The following GIPR variants were observed in gnomAD, a reference collection of about 807,000 sequenced individuals.
GIPR encodes GIP-R.
In GIPR, 74 loss-of-function variants were observed where a neutral mutation model predicts 62.2. The observed-to-expected ratio is 1.19, with a 90% CI of 0.99 to 1.44. The LOEUF is 1.44. Ranked by LOEUF, GIPR falls within the 40% of genes most tolerant of loss-of-function variation. GIPR has a pLI of 0.00. For missense variants in GIPR, 664 were observed against 611.8 expected (o/e 1.09, Z -0.90); for synonymous variants, 256 against 262.2 (o/e 0.98, Z 0.23).
rs1967342423 is a variant in GIPR at position 45,683,458 on chromosome 19, G to A, written c.*1523G>A. ...GGGGGCATGCTGACAGTCTCATTGT[G>A]GCTGGACCACCTGTACATACACCCA... On this transcript the variant is annotated 3_prime_UTR_variant, in exon 14 of 14. Coordinates refer to ENST00000590918, the MANE Select transcript of GIPR (RefSeq NM_000164.4). 1.3e-5 allele frequency: 2 copies of A among 152,254 alleles called. No individual in the cohort carries two copies. The highest frequency in any genetic ancestry group is 2.9e-5 in the Non-Finnish European group (2 of 68,128). 9.4% of individuals were successfully genotyped at this position (152,254 alleles called of 1,614,324 possible). A position where few individuals can be genotyped will look rare whatever the true frequency, so the allele number is the denominator to read the frequency against.
In GIPR at chr19:45,678,086, A is replaced by G; in HGVS notation, c.1014-2A>G. The G allele has an allele frequency of 8.7e-6, 14 of 1,612,552 alleles. No homozygotes were observed. The highest frequency in any genetic ancestry group is 1.2e-5 in the Non-Finnish European group (14 of 1,179,982). On this transcript the variant is annotated splice_acceptor_variant, in intron 11 of 13. Coordinates refer to ENST00000590918, the MANE Select transcript of GIPR (RefSeq NM_000164.4). LOFTEE classifies it high-confidence loss of function. ...ATCACTGCTGCCGCCCTCTCTCCCCAGGCTGGCTCGCTCCACGCTGACGCT... is the reference window on the plus strand; with the variant it reads ...ATCACTGCTGCCGCCCTCTCTCCCCGGGCTGGCTCGCTCCACGCTGACGCT...
chr19:45,674,895 T>C lies in GIPR; in HGVS notation c.633+69T>C, dbSNP rs756627992. ...TCTGGTGGGACCAGGAAGTTCTCAG[T>C]CCATTTCCTATCTCCTACACTCTCC... On this transcript the variant is annotated intron_variant, in intron 7 of 13. Transcript: ENST00000590918. 19 of 1,447,942 alleles carry C rather than the reference T, an allele frequency of 1.3e-5. No individual in the cohort carries two copies. In the East Asian group the frequency reaches 4.3e-4, roughly 33 times the overall value. The allele number at this position is 1,447,942 out of a possible 1,614,324, so 89.7% of individuals were successfully genotyped here.
Position 45,682,252 on chromosome 19 carries a change from A to C in GIPR, c.*317A>C, listed in dbSNP as rs1471346175. The C allele has an allele frequency of 2.8e-6, 1 of 360,374 alleles. No homozygotes were observed. The highest frequency in any genetic ancestry group is 2.2e-5 in the African/African-American group (1 of 45,538). 22.3% of individuals were successfully genotyped at this position (360,374 alleles called of 1,614,324 possible). ...ACTTTGGGGAGAGCTGGAGAACAGG[A>C]TTCTAGGCGGAAGCGATAGCATAGG... On this transcript the variant is annotated 3_prime_UTR_variant, in exon 14 of 14. Coordinates refer to ENST00000590918, the MANE Select transcript of GIPR (RefSeq NM_000164.4).
chr19:45,671,123 G>A (rs1334438131), intron 3 of GIPR, among the ~76,000 whole-genome samples, 162 bp from the exon 4 acceptor site: 1 of 151,990 alleles, frequency 6.6e-6, no homozygotes, highest in Non-Finnish European at 1.5e-5. Flanking sequence ...GCCGAGCCGG[G>A]ACGGAACGCC....
Position 45,670,677 on chromosome 19 carries a change from T to C in GIPR, c.115T>C (p.Trp39Arg), listed in dbSNP as rs1600285997. 1 of 1,612,610 alleles carries C rather than the reference T, an allele frequency of 6.2e-7. No homozygotes were observed. Among genetic ancestry groups the C allele is most frequent in the African/African-American group, 1.3e-5 (1 of 74,706 alleles). ...GQTAGELYQR[W>R]ERYRRECQET... ...GACGGCGGGGGAGCTGTACCAGCGC[T>C]GGGAACGGTACCGCAGGGAGTGCCA... The change falls in exon 3 of 14, where the codon TGG (tryptophan) becomes CGG (arginine). Residue 39 changes from tryptophan (W) to arginine (R), a missense_variant. Physicochemically the swap from Trp to Arg is moderately radical, Grantham distance 101. Transcript: ENST00000590918.
chr19:45,669,338 G>A (rs1193251108), intron 1 of GIPR, 139 bp from the exon 2 acceptor site: 13 of 775,492 alleles, frequency 1.7e-5, no homozygotes, highest in Non-Finnish European at 6.3e-6. Flanking sequence ...GGAGTTGCGG[G>A]AGCGGGTGCG....
chr19:45,673,692 C>T (rs112653370), intron 5 of GIPR, among the ~76,000 whole-genome samples: 1 of 152,024 alleles, frequency 6.6e-6, no homozygotes, highest in African/African-American at 2.4e-5. Flanking sequence ...GGTGAAACCC[C>T]GTCTCTACTA....
intron 9 of GIPR, 55 bp from the exon 10 acceptor site, chr19:45,677,655 G>A: frequency 1.5e-6 from 2 of 1,377,930 alleles, no homozygotes; most frequent in Non-Finnish European, 2.1e-6. Context: ...AATGAGCTTG[G>A]TGATCGGTGA....
At position 45,677,700 on chromosome 19, in the gene GIPR, C is replaced by G; in HGVS notation, c.855-10C>G. On this transcript the variant is annotated splice_polypyrimidine_tract_variant and intron_variant, in intron 9 of 13. Transcript: ENST00000590918. Reference sequence around the variant, plus strand: ...TTTTCTATCTCTTAGCTCTACTCCGCCTTCCCCAGGTGCTGGGAGCGCAAC... The same window carrying G: ...TTTTCTATCTCTTAGCTCTACTCCGGCTTCCCCAGGTGCTGGGAGCGCAAC... The G allele has an allele frequency of 6.2e-7, 1 of 1,608,962 alleles. No homozygotes were observed. Among genetic ancestry groups the G allele is most frequent in the South Asian group, 1.1e-5 (1 of 90,984 alleles).
intron 7 of GIPR, chr19:45,675,165 G>C: frequency 2.9e-6 from 1 of 347,622 alleles, no homozygotes; most frequent in Non-Finnish European, 5.8e-6. Flanking sequence ...AAGTAAGTGG[G>C]GGTGGGGATG....
At chr19:45,670,317 C>T (rs538473976) in intron 2 of GIPR, 2,779 of 267,170 alleles carry the variant, frequency 0.01, 35 homozygotes, top group Non-Finnish European at 0.015. Flanking sequence ...CAGGCGTGAG[C>T]CACCGCGCCC....
chr19:45,682,434 T>A lies in GIPR; in HGVS notation c.*499T>A, dbSNP rs1967299506. ...TCTTAGGAGTGTCTCTTGGGGGTAATATTTTATTTTTTAAAAAATGAGGAT... is the reference window on the plus strand; with the variant it reads ...TCTTAGGAGTGTCTCTTGGGGGTAAAATTTTATTTTTTAAAAAATGAGGAT... On this transcript the variant is annotated 3_prime_UTR_variant, in exon 14 of 14. Coordinates refer to ENST00000590918, the MANE Select transcript of GIPR (RefSeq NM_000164.4). The A allele has an allele frequency of 6.5e-6, 1 of 154,326 alleles. No homozygotes were observed. The highest frequency in any genetic ancestry group is 1.4e-5 in the Non-Finnish European group (1 of 69,494). The allele number at this position is 154,326 out of a possible 1,614,324, so 9.6% of individuals were successfully genotyped here.
chr19:45,675,326 C>T (rs182066548), intron 7 of GIPR: 4 of 162,938 alleles, frequency 2.5e-5, no homozygotes, highest in Non-Finnish European at 5.3e-5. Flanking sequence ...TCTGTAATCC[C>T]AGCACTTTGG....
chr19:45,673,038 G>A, intron 5 of GIPR, 84 bp downstream of exon 5: 2 of 814,454 alleles, frequency 2.5e-6, no homozygotes, highest in South Asian at 1.4e-5. Flanking sequence ...AAACCCCTTG[G>A]ACTGTTCAGA....
intron 2 of GIPR, chr19:45,670,141 C>T (rs1975459575): frequency 6.5e-6 from 1 of 154,014 alleles, no homozygotes; most frequent in Non-Finnish European, 1.4e-5. Context: ...AGCGATTCTC[C>T]CGCCTCAGCC....
chr19:45,682,031 G>A lies in GIPR; in HGVS notation c.*96G>A. The A allele has an allele frequency of 9.9e-6, 11 of 1,113,328 alleles. No homozygotes were observed. The highest frequency in any genetic ancestry group is 6.4e-5 in the Admixed American group (3 of 47,204). The allele number at this position is 1,113,328 out of a possible 1,614,324, so 69.0% of individuals were successfully genotyped here. On this transcript the variant is annotated 3_prime_UTR_variant, in exon 14 of 14. Transcript: ENST00000590918. The stretch of plus-strand genomic sequence containing the variant: ...CGGAGGACGCTGGGGAAATGGTGAA[G>A]GAAACAGAAAAAAGGTCCCTGCCCT...
Position 45,669,531 on chromosome 19 carries a change from C to T in GIPR, c.11C>T (p.Ser4Phe). Residue 4 changes from serine (S) to phenylalanine (F), a missense_variant, in exon 2 of 14, where the codon TCT becomes TTT. Transcript: ENST00000590918. MTT[S>F]PILQLLLRLS... ...TTCGCCGCCCTCACGATGACTACCT[C>T]TCCGATCCTGCAGCTGCTGCTGCGG... 1.3e-6 allele frequency: 2 copies of T among 1,577,192 alleles called. No homozygotes were observed. Among genetic ancestry groups the T allele is most frequent in the Non-Finnish European group, 8.6e-7 (1 of 1,164,592 alleles).
At chr19:45,668,819 C>G (rs1975390714) in intron 1 of GIPR, among the ~76,000 whole-genome samples, 2 of 152,230 alleles carry the variant, frequency 1.3e-5, no homozygotes, top group South Asian at 2.1e-4. Context: ...TCTCTAGTCC[C>G]TAAGTATTTG....
At position 45,669,587 on chromosome 19, in the gene GIPR, G is replaced by A; in HGVS notation, c.67G>A (p.Ala23Thr). 2.5e-6 allele frequency: 4 copies of A among 1,579,018 alleles called. No individual in the cohort carries two copies. Among genetic ancestry groups the A allele is most frequent in the Non-Finnish European group, 3.4e-6 (4 of 1,165,842 alleles). ...LSLCGLLLQR[A>T]ETGSKGQTAG... ...ACTGTGCGGGCTGCTGCTCCAGAGGGCGGAGGTGAGGAAGCGAGGAGCCAG... is the reference window on the plus strand; with the variant it reads ...ACTGTGCGGGCTGCTGCTCCAGAGGACGGAGGTGAGGAAGCGAGGAGCCAG... Residue 23 changes from alanine to threonine, a missense_variant, in exon 2 of 14, where the codon GCG becomes ACG. Coordinates refer to ENST00000590918, the MANE Select transcript of GIPR (RefSeq NM_000164.4).
Sources: allele counts gnomAD v4.1 joint callset (sites outside exome capture counted in the v4.1 genomes callset), GRCh38; gene constraint gnomAD v4.1.1; transcripts MANE v1.5; gene names NCBI Gene and HGNC (gene_info 2026-07-23, HGNC 2026-07-21).